GLIS1: variants seen among roughly 807,000 people sequenced by gnomAD.
The protein encoded by GLIS1 is zinc finger protein GLIS1.
GLIS1 carries 24 observed loss-of-function variants against 63.8 expected under a neutral mutation model. The ratio of observed to expected loss-of-function variants is 0.38; its 90% CI spans 0.27 to 0.53. The LOEUF is 0.53. Ranked by LOEUF, GLIS1 falls within the 20% of genes least tolerant of loss-of-function variation. The pLI is 0.85. For missense variants in GLIS1, 1,036 were observed against 1,074.1 expected (o/e 0.96, Z 0.50); for synonymous variants, 450 against 482.5 (o/e 0.93, Z 0.88).
At chr1:53,525,307 G>T (rs1336495526) in intron 5 of GLIS1, among the ~76,000 whole-genome samples, 2 of 150,828 alleles carry the variant, frequency 1.3e-5, no homozygotes, top group African/African-American at 4.9e-5. Flanking sequence ...GGGGAAGGGG[G>T]CACCCACACA....
At chr1:53,613,893 T>C (rs964787137) in intron 2 of GLIS1, among the ~76,000 whole-genome samples, 3 of 152,242 alleles carry the variant, frequency 2.0e-5, no homozygotes, top group Non-Finnish European at 4.4e-5. Flanking sequence ...TGGCCAACCA[T>C]GTTTTATATG....
intron 4 of GLIS1, among the ~76,000 whole-genome samples, chr1:53,564,219 A>G (rs1434719783): frequency 2.6e-5 from 4 of 152,202 alleles, no homozygotes; most frequent in Non-Finnish European, 5.9e-5. Flanking sequence ...AATGATTAAG[A>G]GGCAGTGCCC....
intron 4 of GLIS1, among the ~76,000 whole-genome samples, chr1:53,564,026 A>T (rs1028819774): frequency 2.0e-5 from 3 of 152,222 alleles, no homozygotes; most frequent in Admixed American, 1.3e-4. Context: ...AGGAAGAAGG[A>T]AGATGATCCC....
At chr1:53,721,933 T>A (rs1297498586) in intron 2 of GLIS1, among the ~76,000 whole-genome samples, 1 of 152,204 alleles carries the variant, frequency 6.6e-6, no homozygotes, top group Admixed American at 6.5e-5. Context: ...TTAACATCCC[T>A]AATGACAGCA....
chr1:53,600,833 C>T (rs11206177), intron 2 of GLIS1, among the ~76,000 whole-genome samples: 122,487 of 152,240 alleles, frequency 0.8, 54,066 homozygotes, highest in Non-Finnish European at 0.99. Flanking sequence ...TGTTACACCA[C>T]AGAAACACAG....
At chr1:53,717,172 T>C (rs1646708271) in intron 2 of GLIS1, among the ~76,000 whole-genome samples, 1 of 152,220 alleles carries the variant, frequency 6.6e-6, no homozygotes, top group Non-Finnish European at 1.5e-5. Context: ...TTAACAGCTG[T>C]GATCACGGCC....
At chr1:53,533,078 C>G (rs1473429902) in intron 4 of GLIS1, among the ~76,000 whole-genome samples, 1 of 152,256 alleles carries the variant, frequency 6.6e-6, no homozygotes, top group Non-Finnish European at 1.5e-5. Flanking sequence ...TCCATGCCCT[C>G]AGGCCTTTAC....
chr1:53,629,369 T>C (rs572121870), intron 2 of GLIS1, among the ~76,000 whole-genome samples: 3 of 152,320 alleles, frequency 2.0e-5, no homozygotes, highest in East Asian at 3.9e-4. Flanking sequence ...TATCACTCTG[T>C]AGCATCATGC....
chr1:53,707,691 T>C (rs886485753), intron 2 of GLIS1, among the ~76,000 whole-genome samples: 1 of 151,868 alleles, frequency 6.6e-6, no homozygotes, highest in African/African-American at 2.4e-5. Flanking sequence ...GATTTTTTTT[T>C]CCCAAAAAGA....
At chr1:53,513,304 C>G (rs1644316954) in intron 8 of GLIS1, among the ~76,000 whole-genome samples, 1 of 152,160 alleles carries the variant, frequency 6.6e-6, no homozygotes, top group Non-Finnish European at 1.5e-5. Context: ...GTCCACCCCA[C>G]CCCTGCAATG....
At chr1:53,525,399 G>A (rs114906889) in intron 5 of GLIS1, among the ~76,000 whole-genome samples, 1,347 of 9,572 alleles carry the variant, frequency 0.14, 12 homozygotes, top group African/African-American at 0.19. Flanking sequence ...AAGAAACCAG[G>A]TCCTCCTGCC....
chr1:53,696,169 G>A (rs2100477177), intron 2 of GLIS1, among the ~76,000 whole-genome samples: 1 of 152,350 alleles, frequency 6.6e-6, no homozygotes, highest in East Asian at 1.9e-4. Flanking sequence ...CTCGGCACAG[G>A]CCTGAGTTTA....
intron 4 of GLIS1, among the ~76,000 whole-genome samples, chr1:53,541,276 C>T (rs1047447180): frequency 6.6e-6 from 1 of 152,214 alleles, no homozygotes; most frequent in Non-Finnish European, 1.5e-5. Context: ...CTAAGGTTAC[C>T]TTCAGGAGAT....
chr1:53,559,659 C>T (rs1346910604), intron 4 of GLIS1, among the ~76,000 whole-genome samples: 2 of 152,168 alleles, frequency 1.3e-5, no homozygotes, highest in East Asian at 3.9e-4. Flanking sequence ...TGAGCCCCTG[C>T]GAGCCTCTGT....
chr1:53,655,207 C>CT (rs1341768751), intron 2 of GLIS1, among the ~76,000 whole-genome samples: 2 of 152,134 alleles, frequency 1.3e-5, no homozygotes, highest in Non-Finnish European at 2.9e-5. Flanking sequence ...CACCTGACAC[C>CT]TTACTTAAAA....
chr1:53,587,089 T>G (rs755502954), intron 4 of GLIS1, among the ~76,000 whole-genome samples: 16 of 152,066 alleles, frequency 1.1e-4, no homozygotes, highest in Non-Finnish European at 1.3e-4. Flanking sequence ...GGAAAGGCAT[T>G]CTAGACAAAG....
chr1:53,569,104 T>C (rs1644960628), intron 4 of GLIS1, among the ~76,000 whole-genome samples: 3 of 152,162 alleles, frequency 2.0e-5, no homozygotes, highest in Non-Finnish European at 4.4e-5. Flanking sequence ...TCTGAAAAAG[T>C]ACAAACTAAG....
At chr1:53,520,051 T>C (rs1040283178) in intron 7 of GLIS1, among the ~76,000 whole-genome samples, 3 of 152,152 alleles carry the variant, frequency 2.0e-5, no homozygotes, top group Non-Finnish European at 4.4e-5. Flanking sequence ...TGAGCCTCCC[T>C]TGAGGAACTC....
chr1:53,682,762 C>T lies in GLIS1; in HGVS notation c.259+55044G>A, dbSNP rs1232071339. Among the ~76,000 whole-genome samples the T allele has an allele frequency of 5.9e-5, 9 of 152,224 alleles. No homozygotes were observed. In the East Asian group the frequency reaches 1.7e-3, roughly 29 times the overall value. On this transcript the variant is annotated intron_variant, in intron 2 of 10. Coordinates refer to ENST00000628545, the MANE Select transcript of GLIS1 (RefSeq NM_001367484.1). Reference sequence around the variant, plus strand: ...CAATCAGACCAGAATAGGAAGGAAACTCGAAGATTATCTGAGACAACCCTG... The same window carrying T: ...CAATCAGACCAGAATAGGAAGGAAATTCGAAGATTATCTGAGACAACCCTG...
Sources: gnomAD v4.1 joint callset for allele counts (sites outside exome capture counted in the v4.1 genomes callset) on GRCh38, gnomAD v4.1.1 for gene constraint, MANE v1.5 for transcripts, NCBI Gene and HGNC (gene_info 2026-07-23, HGNC 2026-07-21) for gene names.